Variants in PABPC4L observed in about 807,000 individuals in gnomAD.
PABPC4L encodes polyadenylate-binding protein 4-like.
For synonymous variants in PABPC4L, 169 were observed against 164.1 expected (o/e 1.03, Z -0.23); for missense variants, 452 against 451.4 (o/e 1.00, Z -0.01).
the PABPC4L span, among the ~76,000 whole-genome samples, chr4:133,996,178 G>A: frequency 6.6e-6 from 1 of 152,104 alleles, no homozygotes; most frequent in African/African-American, 2.4e-5. Context: ...TGGGACTGAG[G>A]TAAAGAAGGT....
chr4:134,060,435 C>A, the PABPC4L span, among the ~76,000 whole-genome samples: 1 of 151,326 alleles, frequency 6.6e-6, no homozygotes, highest in Non-Finnish European at 1.5e-5. Flanking sequence ...AGATCAGAAC[C>A]CATCCTTCTG....
chr4:133,958,747 C>T, the PABPC4L span, among the ~76,000 whole-genome samples: 3 of 152,110 alleles, frequency 2.0e-5, no homozygotes, highest in Non-Finnish European at 4.4e-5. Flanking sequence ...GAAAACTATC[C>T]GATCTTTTGA....
the PABPC4L span, among the ~76,000 whole-genome samples, chr4:134,148,095 GCA>G: frequency 6.6e-6 from 1 of 152,012 alleles, no homozygotes; most frequent in Non-Finnish European, 1.5e-5. Flanking sequence ...CACTCACAAT[GCA>G]CAGAGAGCAG....
the PABPC4L span, among the ~76,000 whole-genome samples, chr4:134,180,031 A>G: frequency 2.6e-5 from 4 of 152,092 alleles, no homozygotes; most frequent in Non-Finnish European, 5.9e-5. Context: ...TGAACTCCAC[A>G]CCAGACAAAA....
At chr4:134,148,572 G>A in the PABPC4L span, among the ~76,000 whole-genome samples, 101,668 of 151,374 alleles carry the variant, frequency 0.67, 35,078 homozygotes, top group East Asian at 1. Context: ...CATGCCTGAA[G>A]CTTCCAAACC....
the PABPC4L span, among the ~76,000 whole-genome samples, chr4:133,968,126 A>G: frequency 6.6e-6 from 1 of 152,172 alleles, no homozygotes; most frequent in African/African-American, 2.4e-5. Context: ...GGCTTTCCAT[A>G]TAGGAGATCA....
At chr4:134,082,591 G>T in the PABPC4L span, among the ~76,000 whole-genome samples, 1 of 152,048 alleles carries the variant, frequency 6.6e-6, no homozygotes. Flanking sequence ...ATAGAAAATT[G>T]TGTAAATATA....
chr4:133,981,976 T>C, the PABPC4L span, among the ~76,000 whole-genome samples: 1 of 151,978 alleles, frequency 6.6e-6, no homozygotes, highest in Admixed American at 6.6e-5. Flanking sequence ...TTTTGTATAT[T>C]TAATAAAGTT....
chr4:134,127,733 A>T, the PABPC4L span, among the ~76,000 whole-genome samples: 5 of 152,120 alleles, frequency 3.3e-5, no homozygotes, highest in Non-Finnish European at 5.9e-5. Context: ...GTAATATGAT[A>T]AAACAAGGTT....
the PABPC4L span, among the ~76,000 whole-genome samples, chr4:134,123,093 G>A: frequency 3.3e-5 from 5 of 151,836 alleles, no homozygotes; most frequent in East Asian, 3.9e-4. Flanking sequence ...CTCTAGTCAC[G>A]TCATTTGTAT....
chr4:133,999,992 T>C, the PABPC4L span, among the ~76,000 whole-genome samples: 1 of 152,244 alleles, frequency 6.6e-6, no homozygotes. Context: ...AATATTTTTT[T>C]CAAAATTGGC....
chr4:134,075,421 A>T, the PABPC4L span, among the ~76,000 whole-genome samples: 1 of 152,172 alleles, frequency 6.6e-6, no homozygotes, highest in Non-Finnish European at 1.5e-5. Context: ...AAATAAATAA[A>T]TTAATTAATT....
chr4:134,120,260 G>GT, the PABPC4L span, among the ~76,000 whole-genome samples: 29,684 of 138,304 alleles, frequency 0.21, 3,695 homozygotes, highest in Non-Finnish European at 0.28. Context: ...TTGTTCTTTG[G>GT]TTTTTTTTTT....
the PABPC4L span, among the ~76,000 whole-genome samples, chr4:134,017,726 G>A: frequency 1.3e-5 from 2 of 151,790 alleles, no homozygotes; most frequent in Non-Finnish European, 2.9e-5. Context: ...CCGTATCCAG[G>A]CCATCACCAA....
the PABPC4L span, among the ~76,000 whole-genome samples, chr4:134,098,230 C>A: frequency 6.6e-6 from 1 of 151,682 alleles, no homozygotes; most frequent in Non-Finnish European, 1.5e-5. Context: ...ATAGCGCTAG[C>A]ACTCCTTTAT....
the PABPC4L span, among the ~76,000 whole-genome samples, chr4:134,076,399 A>C: frequency 6.6e-6 from 1 of 152,118 alleles, no homozygotes. Flanking sequence ...AGAGTGCAGA[A>C]TGGATTGATA....
At chr4:134,018,484 G>A in the PABPC4L span, among the ~76,000 whole-genome samples, 1 of 152,038 alleles carries the variant, frequency 6.6e-6, no homozygotes, top group African/African-American at 2.4e-5. Context: ...TACCCAACAG[G>A]TACTTTTTCA....
the PABPC4L span, among the ~76,000 whole-genome samples, chr4:133,949,612 G>A: frequency 6.6e-6 from 1 of 151,990 alleles, no homozygotes; most frequent in Admixed American, 6.6e-5. Flanking sequence ...TTCTTGACCC[G>A]AGTATAATGA....
At chr4:134,076,476 A>G in the PABPC4L span, among the ~76,000 whole-genome samples, 4 of 152,144 alleles carry the variant, frequency 2.6e-5, no homozygotes, top group African/African-American at 4.8e-5. Context: ...GAAGGAAGGG[A>G]CATACATGCG....
Sources: allele counts gnomAD v4.1 joint callset (sites outside exome capture counted in the v4.1 genomes callset), GRCh38; gene constraint gnomAD v4.1.1; transcripts MANE v1.5; gene names NCBI Gene and HGNC (gene_info 2026-07-23, HGNC 2026-07-21).